The following ABHD5 variants were observed in gnomAD, a reference collection of about 807,000 sequenced individuals.
ABHD5 encodes 1-acylglycerol-3-phosphate O-acyltransferase ABHD5.
In ABHD5, 30 loss-of-function variants were observed where a neutral mutation model predicts 44.9. The observed-to-expected ratio is 0.67, with a 90% CI of 0.50 to 0.91. The LOEUF (loss-of-function observed/expected upper bound fraction) is 0.91, where lower values mean the gene tolerates loss of function less well. Ranked by LOEUF, ABHD5 falls within the 40% of genes least tolerant of loss-of-function variation. The pLI, the probability that ABHD5 is intolerant of heterozygous loss-of-function variation, is 0.00. For missense variants in ABHD5, 399 were observed against 423.4 expected, an observed-to-expected ratio of 0.94 and a Z score of 0.50; for synonymous variants, 167 against 147.0, an observed-to-expected ratio of 1.14 and a Z score of -0.99.
chr3:43,729,956 G>C (rs991016187), intron 7 of ABHD5, among the ~76,000 whole-genome samples: 2 of 152,190 alleles, frequency 1.3e-5, no homozygotes, highest in Non-Finnish European at 2.9e-5. Flanking sequence ...GTTGCAGAGG[G>C]GGAGAGATTG....
intron 1 of ABHD5, among the ~76,000 whole-genome samples, chr3:43,697,196 G>T (rs2084484177): frequency 6.6e-6 from 1 of 152,106 alleles, no homozygotes; most frequent in Non-Finnish European, 1.5e-5. Context: ...TACATAGTAG[G>T]TATTCAGTGT....
intron 4 of ABHD5, 120 bp downstream of exon 4, chr3:43,711,983 C>A: frequency 7.6e-7 from 1 of 1,310,204 alleles, no homozygotes. Context: ...ACTTTTTCTC[C>A]TCTTCCTCTA....
chr3:43,723,699 G>A (rs1368001903), downstream of ABHD5, among the ~76,000 whole-genome samples: 5 of 152,040 alleles, frequency 3.3e-5, no homozygotes, highest in Non-Finnish European at 5.9e-5. Flanking sequence ...CTAGAATGTG[G>A]GAAATTCCAT....
rs961047492 is a variant in ABHD5 at position 43,690,997 on chromosome 3, C to G, written c.5C>G (p.Ala2Gly). ...GGCGCTTGCGCGGCGGCGGCTATGG[C>G]GGCGGAGGAGGAGGAGGTGGACTCT... is the stretch of plus-strand genomic sequence containing the variant. M[A>G]AEEEEVDSAD... is the part of the protein sequence containing the mutation. Residue 2 changes from alanine to glycine, a missense_variant, in exon 1 of 7, where the codon GCG becomes GGG. Physicochemically the swap from Ala to Gly is moderately conservative, Grantham distance 60. Transcript: ENST00000644371. The G allele has an allele frequency of 1.3e-6, 2 of 1,572,112 alleles. No homozygotes were observed. Among genetic ancestry groups the G allele is most frequent in the Admixed American group, 3.6e-5 (2 of 55,632 alleles).
At chr3:43,704,298 C>G (rs368072383) in intron 3 of ABHD5, among the ~76,000 whole-genome samples, 73 of 152,254 alleles carry the variant, frequency 4.8e-4, no homozygotes, top group African/African-American at 1.7e-3. Context: ...CTTGGCCTCC[C>G]AAAGTGTTGG....
chr3:43,704,441 G>T (rs2084589865), intron 3 of ABHD5, among the ~76,000 whole-genome samples: 1 of 152,214 alleles, frequency 6.6e-6, no homozygotes, highest in South Asian at 2.1e-4. Context: ...CAAGTCAACA[G>T]GGCTATTTGT....
chr3:43,703,921 G>T (rs191845239), intron 3 of ABHD5, among the ~76,000 whole-genome samples: 1 of 151,742 alleles, frequency 6.6e-6, no homozygotes, highest in Non-Finnish European at 1.5e-5. Context: ...TGATCTCATG[G>T]TCCTATATGT....
intron 7 of ABHD5, among the ~76,000 whole-genome samples, chr3:43,730,985 C>T (rs553733661): frequency 2.6e-5 from 4 of 152,224 alleles, no homozygotes; most frequent in South Asian, 2.1e-4. Context: ...CATGCCAACA[C>T]GCCTGGCTAA....
rs2084825951 is a variant in ABHD5, at chr3:43,720,760, C to T, written c.*2228C>T. ...CCAGTCTCTGTATAATAGTTAACTA[C>T]AGGACTGTGGATCCAGCAAATGTTC... On this transcript the variant is annotated 3_prime_UTR_variant, in exon 7 of 7. Coordinates refer to ENST00000644371, the MANE Select transcript of ABHD5 (RefSeq NM_016006.6). The T allele has an allele frequency of 6.6e-6, 1 of 152,108 alleles. No homozygotes were observed. Among genetic ancestry groups the T allele is most frequent in the African/African-American group, 2.4e-5 (1 of 41,420 alleles). The allele number at this position is 152,108 out of a possible 1,614,324, so 9.4% of individuals were successfully genotyped here.
Position 43,722,246 on chromosome 3 carries a change from G to A in ABHD5, c.*3714G>A, listed in dbSNP as rs1322796594. On this transcript the variant is annotated 3_prime_UTR_variant, in exon 7 of 7. Transcript: ENST00000644371. ...TATCTATACAATGGGATACTACACA[G>A]CTGTAGAAAGGACTGCGAACTATTT... 1 of 152,244 alleles carries A rather than the reference G, an allele frequency of 6.6e-6. No homozygotes were observed. The highest frequency in any genetic ancestry group is 1.5e-5 in the Non-Finnish European group (1 of 68,054). The allele number at this position is 152,244 out of a possible 1,614,324, so 9.4% of individuals were successfully genotyped here.
intron 3 of ABHD5, 101 bp downstream of exon 3, chr3:43,702,688 G>C: frequency 6.4e-7 from 1 of 1,573,930 alleles, no homozygotes; most frequent in Non-Finnish European, 8.7e-7. Context: ...CCACAAGGCA[G>C]ACATTCTCTT....
At chr3:43,692,121 C>T (rs567168527) in intron 1 of ABHD5, among the ~76,000 whole-genome samples, 1 of 152,204 alleles carries the variant, frequency 6.6e-6, no homozygotes, top group African/African-American at 2.4e-5. Flanking sequence ...TTTTTGACGT[C>T]GGTTCTACTT....
intron 1 of ABHD5, among the ~76,000 whole-genome samples, chr3:43,698,360 C>G (rs1378935420): frequency 6.6e-6 from 1 of 152,154 alleles, no homozygotes; most frequent in Admixed American, 6.5e-5. Context: ...TTCACTTTTC[C>G]TCTTCTAATT....
chr3:43,711,729 T>G lies in ABHD5; in HGVS notation c.527T>G (p.Val176Gly). ...AACAGGGTTAATCATCTCATTTTAG[T>G]GGAGCCTTGGGGTTTCCCTGAACGA... ...YPSRVNHLIL[V>G]EPWGFPERPD... The change falls in exon 4 of 7, where the codon GTG (valine) becomes GGG (glycine). Residue 176 changes from valine (V) to glycine (G), a missense_variant. Physicochemically the swap from Val to Gly is moderately radical, Grantham distance 109. Transcript: ENST00000644371. 3 of 1,614,186 alleles carry G rather than the reference T, an allele frequency of 1.9e-6. No homozygotes were observed. The highest frequency in any genetic ancestry group is 2.5e-6 in the Non-Finnish European group (3 of 1,180,026).
chr3:43,717,016 C>T (rs993906616), intron 5 of ABHD5, among the ~76,000 whole-genome samples: 2 of 151,926 alleles, frequency 1.3e-5, no homozygotes, highest in African/African-American at 4.8e-5. Context: ...ACTGAAAATA[C>T]AAAAATTAGC....
chr3:43,694,184 A>T (rs1391584683), intron 1 of ABHD5, among the ~76,000 whole-genome samples: 1 of 147,934 alleles, frequency 6.8e-6, no homozygotes, highest in African/African-American at 2.5e-5. Flanking sequence ...GCGTGAACCC[A>T]GGAGGCGGAG....
In ABHD5 at chr3:43,728,357, A is replaced by G. The variant is rs573658657; in HGVS notation, c.*30-5523A>G. Among the ~76,000 whole-genome samples, 144 of 152,362 alleles carry G rather than the reference A, an allele frequency of 9.5e-4. 1 individual carries two copies. Among genetic ancestry groups the G allele is most frequent in the African/African-American group, 3.4e-3 (141 of 41,592 alleles). On this transcript the variant is annotated intron_variant, in intron 7 of 7. Transcript: ENST00000454293. The stretch of plus-strand genomic sequence containing the variant: ...CATCACTTAAAACGCCAGGGCACCA[A>G]CTATGGGATAAGATTGATGAACAAG...
At chr3:43,702,776 C>T (rs374893106) in intron 3 of ABHD5, among the ~76,000 whole-genome samples, 189 bp downstream of exon 3, 85 of 152,254 alleles carry the variant, frequency 5.6e-4, no homozygotes, top group African/African-American at 1.6e-3. Context: ...TCCTATTACA[C>T]GTACTACATG....
intron 4 of ABHD5, among the ~76,000 whole-genome samples, chr3:43,714,420 A>G (rs1371074310): frequency 3.9e-5 from 6 of 152,136 alleles, no homozygotes; most frequent in Non-Finnish European, 8.8e-5. Context: ...GGCTTGAGCC[A>G]TCACGCCTGG....
Sources: gnomAD v4.1 joint callset for allele counts (sites outside exome capture counted in the v4.1 genomes callset) on GRCh38, gnomAD v4.1.1 for gene constraint, MANE v1.5 for transcripts, NCBI Gene and HGNC (gene_info 2026-07-23, HGNC 2026-07-21) for gene names.